The following NPIPB2 variants were observed in gnomAD, a reference collection of about 807,000 sequenced individuals.
NPIPB2 encodes the protein nuclear pore complex interacting protein family member B2.
In NPIPB2, 27 loss-of-function variants were observed where a neutral mutation model predicts 30.8. The ratio of observed to expected loss-of-function variants is 0.88; its 90% CI spans 0.65 to 1.21. NPIPB2 has a LOEUF of 1.21. Ranked by LOEUF, NPIPB2 falls within the 50% of genes most tolerant of loss-of-function variation. NPIPB2 has a pLI of 0.00. For synonymous variants in NPIPB2, 147 were observed against 162.0 expected (o/e 0.91, Z 0.70); for missense variants, 440 against 446.2 (o/e 0.99, Z 0.13).
At position 11,933,761 on chromosome 16, in the gene NPIPB2, G is replaced by T. The variant is rs764085531; in HGVS notation, c.293-49C>A. 23 of 1,594,870 alleles carry T rather than the reference G, an allele frequency of 1.4e-5. No homozygotes were observed. In the African/African-American group the frequency reaches 2.4e-4, roughly 17 times the overall value. On this transcript the variant is annotated intron_variant, in intron 3 of 7. Coordinates refer to ENST00000399147, the Ensembl canonical transcript of NPIPB2. ...AAGGTGAGAAACCTGAGGGCAAGAA[G>T]CTGTTCTTTCCCTTTCCAGGGCAAA...
intron 1 of NPIPB2, among the ~76,000 whole-genome samples, chr16:11,960,546 C>T (rs1043547343): frequency 1.3e-5 from 2 of 151,818 alleles, no homozygotes; most frequent in African/African-American, 2.4e-5. Flanking sequence ...TTGGTGGAGA[C>T]GGGGTTTCAC....
At chr16:11,968,004 T>A in intron 1 of NPIPB2, 2 of 835,790 alleles carry the variant, frequency 2.4e-6, no homozygotes, top group Non-Finnish European at 3.6e-6. Flanking sequence ...TTTCTCTAGG[T>A]TACTGTTGGG....
upstream of NPIPB2, among the ~76,000 whole-genome samples, chr16:11,943,988 ACT>A (rs1221967995): frequency 4.9e-4 from 27 of 55,314 alleles, 1 homozygote; most frequent in Non-Finnish European, 8.6e-4. Flanking sequence ...ACAGAGCAAG[ACT>A]CTGTCTCAAA....
chr16:11,964,225 A>G (rs2150938783), intron 1 of NPIPB2, among the ~76,000 whole-genome samples: 1 of 146,610 alleles, frequency 6.8e-6, no homozygotes. Context: ...GGATTTTTAA[A>G]ATGGTTTTAT....
chr16:11,965,955 C>T (rs1347519239), intron 1 of NPIPB2, among the ~76,000 whole-genome samples: 1 of 151,950 alleles, frequency 6.6e-6, no homozygotes, highest in African/African-American at 2.4e-5. Context: ...ACTAAAAATA[C>T]AAAAAATTAG....
intron 1 of NPIPB2, among the ~76,000 whole-genome samples, chr16:11,949,637 C>G (rs1290332469): frequency 1.3e-5 from 2 of 152,200 alleles, no homozygotes; most frequent in East Asian, 3.8e-4. Context: ...GAGTGACAGG[C>G]TCTTTTAGCC....
chr16:11,970,337 T>A (rs1596509153), intron 1 of NPIPB2, among the ~76,000 whole-genome samples: 1 of 151,996 alleles, frequency 6.6e-6, no homozygotes, highest in Admixed American at 6.6e-5. Context: ...CTCAGCCTCC[T>A]GAGTAGCTGG....
chr16:11,947,328 A>G (rs967705862), intron 1 of NPIPB2, among the ~76,000 whole-genome samples: 2 of 144,812 alleles, frequency 1.4e-5, no homozygotes, highest in African/African-American at 5.0e-5. Context: ...TTATTTATAT[A>G]TATATATATT....
chr16:11,954,528 C>T (rs866125504), intron 1 of NPIPB2, among the ~76,000 whole-genome samples: 88 of 150,850 alleles, frequency 5.8e-4, no homozygotes, highest in African/African-American at 2.0e-3. Context: ...TAAAAAGACG[C>T]TTTTATGTAT....
intron 1 of NPIPB2, among the ~76,000 whole-genome samples, chr16:11,956,464 T>G (rs931872925): frequency 1.3e-5 from 2 of 152,030 alleles, no homozygotes; most frequent in Non-Finnish European, 2.9e-5. Context: ...TCACCTGAGG[T>G]CAGGAGTTTG....
chr16:11,975,141 CTTTTTTTTTTTT>C (rs1195309022), intron 1 of NPIPB2, among the ~76,000 whole-genome samples: 5 of 37,508 alleles, frequency 1.3e-4, no homozygotes, highest in Non-Finnish European at 1.7e-4. Flanking sequence ...AATCCATCAC[CTTTTTTTTTTTT>C]TTTTTTTTTT....
At chr16:11,974,811 C>T (rs556700554) in intron 1 of NPIPB2, among the ~76,000 whole-genome samples, 1 of 151,768 alleles carries the variant, frequency 6.6e-6, no homozygotes, top group Non-Finnish European at 1.5e-5. Context: ...CGGTGGCTCA[C>T]GCCTGTAATC....
In NPIPB2 at chr16:11,948,364, G is replaced by A. The variant is rs573848021; in HGVS notation, c.-583-6250C>T. On this transcript the variant is annotated intron_variant, in intron 1 of 5. Coordinates refer to the NPIPB2 transcript ENST00000538896. ...CATTGTGCGTCTGTGAGGAAAGCAC[G>A]CTCAACACCATTTTTGAAATATTTT... 7.9e-5 allele frequency among the ~76,000 whole-genome samples: 12 copies of A among 152,188 alleles called. No homozygotes were observed. The East Asian group carries it at 2.3e-3, about 29-fold the overall frequency.
chr16:11,968,326 A>C (rs2055212500), intron 1 of NPIPB2, among the ~76,000 whole-genome samples: 1 of 152,060 alleles, frequency 6.6e-6, no homozygotes, highest in South Asian at 2.1e-4. Context: ...AAAATACAAA[A>C]ATTAGCTGGG....
chr16:11,967,590 G>A, intron 1 of NPIPB2: 1 of 1,613,498 alleles, frequency 6.2e-7, no homozygotes, highest in Non-Finnish European at 8.5e-7. Flanking sequence ...CCTGGGCATG[G>A]CTAACATTGA....
At chr16:11,972,777 T>G (rs928080911) in intron 1 of NPIPB2, among the ~76,000 whole-genome samples, 11 of 151,588 alleles carry the variant, frequency 7.3e-5, no homozygotes, top group African/African-American at 2.7e-4. Context: ...GGCAGGAGAA[T>G]TGCTTGAACT....
At chr16:11,927,559 G>T in exon 8 of NPIPB2, 1 of 1,606,064 alleles carries the variant, frequency 6.2e-7, no homozygotes. Flanking sequence ...TCTTGGGTTT[G>T]GGTGGTTTTT....
intron 1 of NPIPB2, among the ~76,000 whole-genome samples, chr16:11,954,263 G>A (rs2055091741): frequency 6.6e-6 from 1 of 151,906 alleles, no homozygotes; most frequent in Non-Finnish European, 1.5e-5. Flanking sequence ...GAGGTGGGAG[G>A]ATCACTTGAG....
At chr16:11,941,764 T>G (rs1030643310) in intron 1 of NPIPB2, 37 of 1,005,838 alleles carry the variant, frequency 3.7e-5, no homozygotes, top group Non-Finnish European at 5.5e-5. Flanking sequence ...CCCGCATCAT[T>G]CCAATGACCC....
Sources: gnomAD v4.1 joint callset for allele counts (sites outside exome capture counted in the v4.1 genomes callset) on GRCh38, gnomAD v4.1.1 for gene constraint, MANE v1.5 for transcripts, NCBI Gene and HGNC (gene_info 2026-07-23, HGNC 2026-07-21) for gene names.